NYAP2: variants seen among roughly 807,000 people sequenced by gnomAD.
The protein encoded by NYAP2 is neuronal tyrosine-phosphorylated phosphoinositide-3-kinase adaptor 2.
NYAP2 carries 23 observed loss-of-function variants against 50.4 expected under a neutral mutation model. The ratio of observed to expected loss-of-function variants is 0.46; its 90% CI spans 0.33 to 0.65. NYAP2 has a LOEUF of 0.65. Among genes scored for constraint, NYAP2 ranks in the 30% least tolerant of loss-of-function variants. NYAP2 has a pLI of 0.02. For synonymous variants in NYAP2, 394 were observed against 365.2 expected (o/e 1.08, Z -0.90); for missense variants, 885 against 861.0 (o/e 1.03, Z -0.35).
intron 3 of NYAP2, among the ~76,000 whole-genome samples, chr2:225,451,528 A>G (rs1689652356): frequency 6.6e-6 from 1 of 152,202 alleles, no homozygotes; most frequent in Non-Finnish European, 1.5e-5. Flanking sequence ...TGCATTTACC[A>G]GACCTAGCAG....
chr2:225,523,399 A>G (rs959195830), intron 4 of NYAP2, among the ~76,000 whole-genome samples: 8 of 151,958 alleles, frequency 5.3e-5, no homozygotes, highest in Admixed American at 2.6e-4. Flanking sequence ...GGAAATCAAC[A>G]TTCAGACATC....
At chr2:225,615,014 C>CA (rs1242456586) in intron 5 of NYAP2, among the ~76,000 whole-genome samples, 8 of 151,994 alleles carry the variant, frequency 5.3e-5, no homozygotes, top group African/African-American at 1.7e-4. Context: ...TCTAAAATGT[C>CA]AAAAAAATTC....
chr2:225,671,655 T>C, the NYAP2 span, among the ~76,000 whole-genome samples: 3 of 152,238 alleles, frequency 2.0e-5, no homozygotes, highest in South Asian at 6.2e-4. Context: ...GTGAATCCTT[T>C]CCAGAAGTTT....
intron 3 of NYAP2, among the ~76,000 whole-genome samples, chr2:225,462,714 G>A (rs1199370097): frequency 6.6e-6 from 1 of 152,124 alleles, no homozygotes; most frequent in Non-Finnish European, 1.5e-5. Flanking sequence ...TCAGACAATA[G>A]AAGTATTTTT....
At chr2:225,654,183 A>G (rs181828053), downstream of NYAP2, among the ~76,000 whole-genome samples, 23 of 152,342 alleles carry the variant, frequency 1.5e-4, no homozygotes, top group Admixed American at 2.6e-4. Context: ...AAAAACATGT[A>G]AAACTGTTGA....
At chr2:225,472,983 A>G (rs113654007) in intron 3 of NYAP2, among the ~76,000 whole-genome samples, 3,774 of 152,152 alleles carry the variant, frequency 0.025, 165 homozygotes, top group African/African-American at 0.086. Context: ...AACAGGCCCC[A>G]GTGTGTGATG....
chr2:225,666,227 C>T, the NYAP2 span, among the ~76,000 whole-genome samples: 1 of 152,162 alleles, frequency 6.6e-6, no homozygotes. Context: ...CCTACCTTCT[C>T]TTGCACCACC....
At chr2:225,575,027 C>G (rs1046378414) in intron 4 of NYAP2, among the ~76,000 whole-genome samples, 1 of 152,156 alleles carries the variant, frequency 6.6e-6, no homozygotes, top group African/African-American at 2.4e-5. Context: ...TTCCTTAGTG[C>G]TCTGTCTCCT....
At chr2:225,630,955 A>C (rs1240127423) in intron 6 of NYAP2, among the ~76,000 whole-genome samples, 26 of 152,210 alleles carry the variant, frequency 1.7e-4, no homozygotes, top group Admixed American at 1.6e-3. Context: ...TAGATTGTTC[A>C]GATTATAGAT....
intron 4 of NYAP2, among the ~76,000 whole-genome samples, chr2:225,579,846 T>A (rs1574689867): frequency 6.6e-6 from 1 of 152,336 alleles, no homozygotes; most frequent in East Asian, 1.9e-4. Flanking sequence ...CAGACTTTAG[T>A]GAAGGGTCAA....
chr2:225,432,293 G>A (rs1051888797), intron 3 of NYAP2, among the ~76,000 whole-genome samples: 5 of 151,340 alleles, frequency 3.3e-5, no homozygotes, highest in African/African-American at 1.2e-4. Context: ...ACCGTACCCG[G>A]CCAGCAATGA....
chr2:225,533,910 C>T (rs1034195843), intron 4 of NYAP2, among the ~76,000 whole-genome samples: 1 of 151,944 alleles, frequency 6.6e-6, no homozygotes, highest in Non-Finnish European at 1.5e-5. Context: ...ATAAAGGAAG[C>T]CAGAGTTATA....
exon 7 of NYAP2, chr2:225,652,469 G>C (rs1002276434): frequency 2.6e-5 from 4 of 152,192 alleles, no homozygotes; most frequent in South Asian, 2.1e-4. Flanking sequence ...TGGGTACGTG[G>C]TTGTGGATGG....
rs143854583 is a variant in NYAP2, at chr2:225,572,170, C to T, written c.524-9771C>T. Among the ~76,000 whole-genome samples, 96 of 152,356 alleles carry T rather than the reference C, an allele frequency of 6.3e-4. No homozygotes were observed. The East Asian group carries it at 0.014, about 22-fold the overall frequency. On this transcript the variant is annotated intron_variant, in intron 4 of 6. Coordinates refer to ENST00000636099, the Ensembl canonical transcript of NYAP2. Reference sequence around the variant, plus strand: ...CTCTAGGAAGTTTCAAACTTTCCCACGTTTTCCTTTCTTCTTCCAAGCCCT... The same window carrying T: ...CTCTAGGAAGTTTCAAACTTTCCCATGTTTTCCTTTCTTCTTCCAAGCCCT...
chr2:225,533,740 A>G (rs1435315399), intron 4 of NYAP2, among the ~76,000 whole-genome samples: 1 of 152,166 alleles, frequency 6.6e-6, no homozygotes, highest in Non-Finnish European at 1.5e-5. Flanking sequence ...ATTCACTTCC[A>G]TATAGTAAAA....
At chr2:225,544,808 T>G (rs1420880856) in intron 4 of NYAP2, among the ~76,000 whole-genome samples, 1 of 152,136 alleles carries the variant, frequency 6.6e-6, no homozygotes, top group Non-Finnish European at 1.5e-5. Context: ...TCTTCTTGCT[T>G]GTTAATATTC....
chr2:225,444,363 T>G (rs1371277511), intron 3 of NYAP2, among the ~76,000 whole-genome samples: 2 of 152,230 alleles, frequency 1.3e-5, no homozygotes, highest in Non-Finnish European at 2.9e-5. Flanking sequence ...ACACATCATC[T>G]GTATCTCCAC....
intron 5 of NYAP2, among the ~76,000 whole-genome samples, chr2:225,585,762 G>C (rs1257694200): frequency 3.9e-5 from 6 of 152,212 alleles, no homozygotes; most frequent in Non-Finnish European, 2.9e-5. Flanking sequence ...AAAGTAGAAA[G>C]ACACCATTAG....
At position 225,401,055 on chromosome 2, in the gene NYAP2, AT is replaced by A. The variant is rs1224363612; in HGVS notation, c.-18+17del. 1.3e-5 allele frequency: 2 copies of A among 152,490 alleles called. No individual in the cohort carries two copies. Among genetic ancestry groups the A allele is most frequent in the Non-Finnish European group, 2.9e-5 (2 of 67,994 alleles). 9.4% of individuals were successfully genotyped at this position (152,490 alleles called of 1,614,324 possible). A position where few individuals can be genotyped will look rare whatever the true frequency, so the allele number is the denominator to read the frequency against. On this transcript the variant is annotated intron_variant, in intron 2 of 6. Transcript: ENST00000636099. ...GGACTTAAATTTTGGTATGTATCTC[AT>A]TTTTCAGATTCTCTAAGCATGCTAA...
Sources: gnomAD v4.1 joint callset for allele counts (sites outside exome capture counted in the v4.1 genomes callset) on GRCh38, gnomAD v4.1.1 for gene constraint, MANE v1.5 for transcripts, NCBI Gene and HGNC (gene_info 2026-07-23, HGNC 2026-07-21) for gene names.